SBNO2: variants seen among roughly 807,000 people sequenced by gnomAD.
SBNO2 encodes the protein protein strawberry notch homolog 2.
Under a neutral mutation model 146.3 loss-of-function variants are expected in SBNO2, and 89 were observed. The ratio of observed to expected loss-of-function variants is 0.61; its 90% CI spans 0.51 to 0.73. The LOEUF (loss-of-function observed/expected upper bound fraction) is 0.73, where lower values mean the gene tolerates loss of function less well. Ranked by LOEUF, SBNO2 falls within the 30% of genes least tolerant of loss-of-function variation. SBNO2 has a pLI of 0.00. For synonymous variants in SBNO2, 1,147 were observed against 892.6 expected, an observed-to-expected ratio of 1.29 and a Z score of -5.08; for missense variants, 2,092 against 2,003.7, an observed-to-expected ratio of 1.04 and a Z score of -0.84.
chr19:1,116,512 G>A (rs1263494080), intron 16 of SBNO2, among the ~76,000 whole-genome samples: 1 of 152,136 alleles, frequency 6.6e-6, no homozygotes, highest in African/African-American at 2.4e-5. Context: ...GCTTCAGACA[G>A]CTGGGAGGGC....
intron 2 of SBNO2, among the ~76,000 whole-genome samples, chr19:1,153,135 C>T (rs914447686): frequency 8.6e-5 from 13 of 150,716 alleles, no homozygotes; most frequent in African/African-American, 3.2e-4. Flanking sequence ...GCCTGGGCAA[C>T]AGAGTGAAAC....
At chr19:1,148,323 C>G (rs965938162) in intron 3 of SBNO2, among the ~76,000 whole-genome samples, 2 of 151,998 alleles carry the variant, frequency 1.3e-5, no homozygotes, top group Non-Finnish European at 1.5e-5. Context: ...CAAACAGCTG[C>G]TCCACAATCT....
At position 1,112,544 on chromosome 19, in the gene SBNO2, G is replaced by C. The variant is rs1476119388; in HGVS notation, c.2380-7C>G. 1 of 1,594,382 alleles carries C rather than the reference G, an allele frequency of 6.3e-7. No individual in the cohort carries two copies. The highest frequency in any genetic ancestry group is 1.3e-5 in the African/African-American group (1 of 74,786). On this transcript the variant is annotated splice_region_variant and splice_polypyrimidine_tract_variant and intron_variant, in intron 20 of 31. Coordinates refer to ENST00000361757, the MANE Select transcript of SBNO2 (RefSeq NM_014963.3). This position sits in a 1 kb window ranked among gnomAD's most constrained non-coding sequence, Gnocchi z 5.9. ...CCGAGATGATGGCCACGAGCTAGGG[G>C]GAAAGAAGGGGCCGGGACACGGTTG... is the stretch of plus-strand genomic sequence containing the variant.
rs2079962871 is a variant in SBNO2, at chr19:1,126,100, A to C, written c.441+1504T>G. ...TGAGGTTTCCGCCCAAGCCTGCCTG[A>C]GCCCGGGCCGGGTTCTCGGCAGTGT... On this transcript the variant is annotated intron_variant, in intron 5 of 31. Transcript: ENST00000361757. This position sits in a 1 kb window ranked among gnomAD's most constrained non-coding sequence, Gnocchi z 4.4. 6.6e-6 allele frequency among the ~76,000 whole-genome samples: 1 copy of C among 152,182 alleles called. No homozygotes were observed. The highest frequency in any genetic ancestry group is 6.5e-5 in the Admixed American group (1 of 15,272).
At chr19:1,125,025 G>A (rs1283285855) in intron 5 of SBNO2, among the ~76,000 whole-genome samples, 1 of 151,830 alleles carries the variant, frequency 6.6e-6, no homozygotes, top group African/African-American at 2.4e-5. Context: ...CTCTTAAAAA[G>A]CAAAAATCCT....
intron 13 of SBNO2, 51 bp downstream of exon 13, chr19:1,119,465 C>T: frequency 7.3e-7 from 1 of 1,370,678 alleles, no homozygotes; most frequent in Non-Finnish European, 1.0e-6. Context: ...GGGCCTGAGG[C>T]CTCCTCCCCA....
At chr19:1,159,320 C>T (rs1048276288) in intron 1 of SBNO2, among the ~76,000 whole-genome samples, 1 of 151,622 alleles carries the variant, frequency 6.6e-6, no homozygotes, top group Admixed American at 6.6e-5. Flanking sequence ...CACTGCAGGC[C>T]GTCTCAGGTC....
intron 1 of SBNO2, among the ~76,000 whole-genome samples, chr19:1,167,869 G>A (rs892142723): frequency 1.3e-5 from 2 of 152,202 alleles, no homozygotes; most frequent in Non-Finnish European, 2.9e-5. Flanking sequence ...CACTGAGTAC[G>A]GGAGCAGGCT....
rs1475189345 is a variant in SBNO2, at chr19:1,128,063, G to T, written c.280-298C>A. 1.1e-5 allele frequency: 6 copies of T among 530,044 alleles called. No individual in the cohort carries two copies. The East Asian group carries it at 2.3e-4, about 20-fold the overall frequency. The allele number at this position is 530,044 out of a possible 1,614,324, so 32.8% of individuals were successfully genotyped here. ...ACTCCTGACCTCAAGTGATCTGCCT[G>T]CTTCGGCATCCAAAAGTGTTGGGAT... On this transcript the variant is annotated intron_variant, in intron 4 of 31. Coordinates refer to ENST00000361757, the MANE Select transcript of SBNO2 (RefSeq NM_014963.3).
chr19:1,170,648 C>T (rs752614849), intron 1 of SBNO2, among the ~76,000 whole-genome samples: 1 of 152,092 alleles, frequency 6.6e-6, no homozygotes, highest in African/African-American at 2.4e-5. Context: ...AGGCCACACA[C>T]GTGCACACAA....
Position 1,158,349 on chromosome 19 carries a change from G to A in SBNO2, c.-126-3947C>T, listed in dbSNP as rs1242672280. On this transcript the variant is annotated intron_variant, in intron 1 of 31. Transcript: ENST00000361757. This position sits in a 1 kb window ranked among gnomAD's most constrained non-coding sequence, Gnocchi z 9.9. Reference sequence around the variant, plus strand: ...GCAGGGTTGTGACCCCCGCACTTTCGGATGTGGACACGGAGGCCCCTAGGT... The same window carrying A: ...GCAGGGTTGTGACCCCCGCACTTTCAGATGTGGACACGGAGGCCCCTAGGT... Among the ~76,000 whole-genome samples the A allele has an allele frequency of 1.3e-5, 2 of 152,150 alleles. No individual in the cohort carries two copies. The highest frequency in any genetic ancestry group is 2.9e-5 in the Non-Finnish European group (2 of 68,026).
chr19:1,119,249 A>G, intron 13 of SBNO2, 85 bp from the exon 14 acceptor site: 1 of 1,481,068 alleles, frequency 6.8e-7, no homozygotes, highest in Non-Finnish European at 9.1e-7. Flanking sequence ...CCAGTCGCAG[A>G]GAGGGCGGGG....
chr19:1,156,635 G>A (rs891929898), intron 1 of SBNO2, among the ~76,000 whole-genome samples: 6 of 152,122 alleles, frequency 3.9e-5, no homozygotes, highest in Admixed American at 3.3e-4. Context: ...AGCATGTGGC[G>A]TGGCCCATCC....
In SBNO2 at chr19:1,119,026, G is replaced by A. The variant is rs1246728095; in HGVS notation, c.1512C>T (p.Asn504=). Residue 504 remains asparagine (N), a synonymous_variant, in exon 14 of 32, where the codon AAC becomes AAT. Coordinates refer to ENST00000361757, the MANE Select transcript of SBNO2 (RefSeq NM_014963.3). ...GCAGGCTCACCAGCAGGGCCGCGCG[G>A]TTGTAGACGCACTCGAAGGCTGGGG... ...PLAPAFECVY[N]RAALLWAEAL... is the part of the protein sequence containing the mutation. The A allele has an allele frequency of 6.2e-7, 1 of 1,600,650 alleles. No homozygotes were observed. Among genetic ancestry groups the A allele is most frequent in the Admixed American group, 1.7e-5 (1 of 59,080 alleles).
chr19:1,160,791 A>G (rs2080336199), intron 1 of SBNO2, among the ~76,000 whole-genome samples: 1 of 152,164 alleles, frequency 6.6e-6, no homozygotes. Flanking sequence ...CGGCCTCCCA[A>G]AGTGCTGGAA....
At chr19:1,131,204 C>T (rs2080024398) in intron 4 of SBNO2, among the ~76,000 whole-genome samples, 1 of 152,218 alleles carries the variant, frequency 6.6e-6, no homozygotes, top group South Asian at 2.1e-4. Context: ...CATGACCCAC[C>T]CACCCTCCAG....
chr19:1,122,426 G>T, intron 10 of SBNO2, 42 bp downstream of exon 10: 3 of 1,541,788 alleles, frequency 1.9e-6, no homozygotes, highest in Non-Finnish European at 2.6e-6. Flanking sequence ...TGCAGGGCAC[G>T]GTCCCCACCT....
At chr19:1,171,349 A>G (rs1484979935) in intron 1 of SBNO2, among the ~76,000 whole-genome samples, 2 of 151,146 alleles carry the variant, frequency 1.3e-5, no homozygotes, top group African/African-American at 2.5e-5. Context: ...TCCATACAAC[A>G]CACAGGCACA....
intron 1 of SBNO2, among the ~76,000 whole-genome samples, chr19:1,171,905 T>C (rs1259247902): frequency 6.6e-6 from 1 of 152,162 alleles, no homozygotes; most frequent in Non-Finnish European, 1.5e-5. Flanking sequence ...GTGCCTCCTG[T>C]CTAGCCCAGA....
Sources: allele counts gnomAD v4.1 joint callset (sites outside exome capture counted in the v4.1 genomes callset), GRCh38; gene constraint gnomAD v4.1.1; non-coding constraint Gnocchi (gnomAD v3.1); transcripts MANE v1.5; gene names NCBI Gene and HGNC (gene_info 2026-07-23, HGNC 2026-07-21).